KIF3B: variants seen among roughly 807,000 people sequenced by gnomAD.
KIF3B encodes the protein kinesin family member 3B, also known as kinesin-like protein KIF3B.
Under a neutral mutation model 74.3 loss-of-function variants are expected in KIF3B, and 38 were observed. The ratio of observed to expected loss-of-function variants is 0.51; its 90% confidence interval spans 0.39 to 0.67. The LOEUF is 0.67. Ranked by LOEUF, KIF3B falls within the 30% of genes least tolerant of loss-of-function variation. The pLI, the probability that KIF3B is intolerant of heterozygous loss-of-function variation, is 0.00. For missense variants in KIF3B, 649 were observed against 932.0 expected (o/e 0.70, Z 3.95); for synonymous variants, 326 against 342.5 (o/e 0.95, Z 0.53).
chr20:32,315,717 A>G (rs1051382971), intron 2 of KIF3B, among the ~76,000 whole-genome samples: 5 of 152,080 alleles, frequency 3.3e-5, no homozygotes, highest in African/African-American at 1.2e-4. Flanking sequence ...TGTCTTTAAA[A>G]AATTTTAAAA....
In KIF3B at chr20:32,304,319, T is replaced by G. The variant is rs550398710; in HGVS notation, c.-65-5394T>G. ...CCAAGTGGCCCATCACTGCTTCACCTTCTCCCACCATGGGAGAATGGCAGG... is the reference window on the plus strand; with the variant it reads ...CCAAGTGGCCCATCACTGCTTCACCGTCTCCCACCATGGGAGAATGGCAGG... On this transcript the variant is annotated intron_variant, in intron 1 of 8. Transcript: ENST00000375712. Among the ~76,000 whole-genome samples the G allele has an allele frequency of 1.4e-4, 22 of 152,356 alleles. No individual in the cohort carries two copies. In the East Asian group the frequency reaches 4.0e-3, roughly 28 times the overall value.
At chr20:32,285,481 C>T (rs1405993387) in intron 1 of KIF3B, among the ~76,000 whole-genome samples, 2 of 152,140 alleles carry the variant, frequency 1.3e-5, no homozygotes, top group East Asian at 3.8e-4. Flanking sequence ...CCTTTCAACA[C>T]CTCCTGTCTT....
intron 1 of KIF3B, among the ~76,000 whole-genome samples, chr20:32,292,050 C>A (rs1295649824): frequency 6.6e-6 from 1 of 152,102 alleles, no homozygotes; most frequent in African/African-American, 2.4e-5. Context: ...ATCCTCCCAA[C>A]TTAGCCTCCT....
chr20:32,293,497 C>G (rs1185857051), intron 1 of KIF3B, among the ~76,000 whole-genome samples: 1 of 150,832 alleles, frequency 6.6e-6, no homozygotes, highest in East Asian at 2.0e-4. Context: ...GTAGTCCCAG[C>G]TACTGAGGAG....
chr20:32,322,742 T>TTATTTATATA lies in KIF3B; in HGVS notation c.1749-4025_1749-4016dup, dbSNP rs2047870935. 3.9e-4 allele frequency among the ~76,000 whole-genome samples: 18 copies of TTATTTATATA among 46,696 alleles called. 2 individuals are homozygous for TTATTTATATA. Among genetic ancestry groups the TTATTTATATA allele is most frequent in the African/African-American group, 2.2e-3 (18 of 8,282 alleles). 30.6% of individuals were successfully genotyped at this position (46,696 alleles called of 152,430 possible). ...TTTATATTTATTTATTTATATATAT[T>TTATTTATATA]TATTTATATATATATTTATATATAT... On this transcript the variant is annotated intron_variant, in intron 5 of 8. Coordinates refer to ENST00000375712, the MANE Select transcript of KIF3B (RefSeq NM_004798.4).
chr20:32,317,660 CA>C (rs2047835085), intron 5 of KIF3B, among the ~76,000 whole-genome samples: 1 of 140,670 alleles, frequency 7.1e-6, no homozygotes, highest in Non-Finnish European at 1.5e-5. Context: ...TTTTTTGAGA[CA>C]GAGTTTTGCT....
chr20:32,294,802 G>A (rs2047709157), intron 1 of KIF3B, among the ~76,000 whole-genome samples: 1 of 152,182 alleles, frequency 6.6e-6, no homozygotes, highest in Admixed American at 6.5e-5. Flanking sequence ...CCCCAAATCT[G>A]CATCTGCACA....
At chr20:32,285,099 CAA>C (rs11480924) in intron 1 of KIF3B, among the ~76,000 whole-genome samples, 5 of 102,482 alleles carry the variant, frequency 4.9e-5, no homozygotes, top group South Asian at 2.9e-4. Flanking sequence ...AAATGATGAC[CAA>C]AAAAAAAAAA....
chr20:32,330,180 C>T lies in KIF3B; in HGVS notation c.2008C>T (p.Arg670Trp), dbSNP rs1600441780. 4.3e-6 allele frequency: 7 copies of T among 1,613,910 alleles called. No homozygotes were observed. The highest frequency in any genetic ancestry group is 2.2e-5 in the East Asian group (1 of 44,870). Reference sequence around the variant, plus strand: ...GCTGTTAGAGCTGGACATGCCCAGCCGGACCACCAGAGACTATGAGGGTCC... The same window carrying T: ...GCTGTTAGAGCTGGACATGCCCAGCTGGACCACCAGAGACTATGAGGGTCC... The part of the protein sequence containing the change: ...IVLLELDMPS[R>W]TTRDYEGPAI... Residue 670 changes from arginine to tryptophan, a missense_variant, in exon 8 of 9, where the codon CGG becomes TGG. Coordinates refer to ENST00000375712, the MANE Select transcript of KIF3B (RefSeq NM_004798.4).
At chr20:32,323,956 C>T (rs1439497471) in intron 5 of KIF3B, among the ~76,000 whole-genome samples, 1 of 151,746 alleles carries the variant, frequency 6.6e-6, no homozygotes, top group African/African-American at 2.4e-5. Flanking sequence ...AAATATCCCA[C>T]ATTGTAGGCG....
chr20:32,302,554 A>G (rs2047749354), intron 1 of KIF3B, among the ~76,000 whole-genome samples: 1 of 152,152 alleles, frequency 6.6e-6, no homozygotes. Context: ...TTGTTTTGAC[A>G]GGTAAAAGTC....
rs755850730 is a variant in KIF3B, at chr20:32,322,746, TTA to T, written c.1749-4015_1749-4014del. Among the ~76,000 whole-genome samples, 17 of 30,760 alleles carry T rather than the reference TTA, an allele frequency of 5.5e-4. 1 individual carries two copies. Among genetic ancestry groups the T allele is most frequent in the African/African-American group, 7.5e-4 (4 of 5,326 alleles). The allele number at this position is 30,760 out of a possible 152,430, so 20.2% of individuals were successfully genotyped here. ...TATTTATTTATTTATATATATTTATTTATATATATATTTATATATATTTATAT... is the reference window on the plus strand; with the variant it reads ...TATTTATTTATTTATATATATTTATTTATATATATTTATATATATTTATAT... On this transcript the variant is annotated intron_variant, in intron 5 of 8. Coordinates refer to ENST00000375712, the MANE Select transcript of KIF3B (RefSeq NM_004798.4).
In KIF3B at chr20:32,313,812, A is replaced by G. The variant is rs117982868; in HGVS notation, c.1405-2406A>G. ...AGCCTTGACCTCCCAGGCTCAAGCAATCTTCCCACCTCAGCCTTCGAGTAT... is the reference window on the plus strand; with the variant it reads ...AGCCTTGACCTCCCAGGCTCAAGCAGTCTTCCCACCTCAGCCTTCGAGTAT... On this transcript the variant is annotated intron_variant, in intron 2 of 8. Coordinates refer to ENST00000375712, the MANE Select transcript of KIF3B (RefSeq NM_004798.4). Among the ~76,000 whole-genome samples the G allele has an allele frequency of 3.5e-3, 530 of 152,186 alleles. 8 individuals carry two copies. Among genetic ancestry groups the G allele is most frequent in the East Asian group, 0.024 (124 of 5,162 alleles).
At chr20:32,320,179 G>A (rs991296372) in intron 5 of KIF3B, among the ~76,000 whole-genome samples, 1 of 152,178 alleles carries the variant, frequency 6.6e-6, no homozygotes, top group African/African-American at 2.4e-5. Flanking sequence ...ACAGGCGTGA[G>A]CCACTGTGCC....
intron 1 of KIF3B, among the ~76,000 whole-genome samples, chr20:32,288,710 A>G (rs1600417092): frequency 6.6e-6 from 1 of 151,958 alleles, no homozygotes; most frequent in Non-Finnish European, 1.5e-5. Flanking sequence ...GAAACATTTT[A>G]TGTACAGCAT....
intron 1 of KIF3B, among the ~76,000 whole-genome samples, chr20:32,305,570 C>CTTTTTTTTTTTTTTTTTT (rs869049527): frequency 2.3e-5 from 2 of 86,908 alleles, no homozygotes; most frequent in Middle Eastern, 8.3e-3. Context: ...ACTCCCCCAC[C>CTTTTTTTTTTTTTTTTTT]TTTTTTTTTT....
At position 32,321,012 on chromosome 20, in the gene KIF3B, T is replaced by G. The variant is rs565558272; in HGVS notation, c.1748+4138T>G. On this transcript the variant is annotated intron_variant, in intron 5 of 8. Transcript: ENST00000375712. ...CATTTAGGTCTATGATCCATTTGAG[T>G]TAATTTCTGTGTATGGTATGAGGTA... Among the ~76,000 whole-genome samples, 11 of 152,210 alleles carry G rather than the reference T, an allele frequency of 7.2e-5. No homozygotes were observed. The South Asian group carries it at 2.3e-3, about 32-fold the overall frequency.
intron 1 of KIF3B, among the ~76,000 whole-genome samples, chr20:32,286,337 CT>C: frequency 6.6e-6 from 1 of 152,126 alleles, no homozygotes. Context: ...GTAATCATTA[CT>C]TTGTAACACA....
chr20:32,295,295 C>CT (rs937210566), intron 1 of KIF3B, among the ~76,000 whole-genome samples: 19 of 148,258 alleles, frequency 1.3e-4, no homozygotes, highest in East Asian at 2.0e-4. Flanking sequence ...CCCCCGCCCC[C>CT]TTTTTTTTTT....
Sources: allele counts gnomAD v4.1 joint callset (sites outside exome capture counted in the v4.1 genomes callset), GRCh38; gene constraint gnomAD v4.1.1; transcripts MANE v1.5; gene names NCBI Gene and HGNC (gene_info 2026-07-23, HGNC 2026-07-21).